The following CLDN10 variants were observed in gnomAD, a reference collection of about 807,000 sequenced individuals.
The protein encoded by CLDN10 is claudin-10.
CLDN10 carries 15 observed loss-of-function variants against 22.9 expected under a neutral mutation model. That is an observed-to-expected ratio of 0.65 (90% CI 0.44 to 1.01). The LOEUF (loss-of-function observed/expected upper bound fraction) is 1.01, where lower values mean the gene tolerates loss of function less well. Among genes scored for constraint, CLDN10 ranks in the 50% least tolerant of loss-of-function variants. The pLI, the probability that CLDN10 is intolerant of heterozygous loss-of-function variation, is 0.00. For missense variants in CLDN10, 247 were observed against 287.8 expected (o/e 0.86, Z 1.03); for synonymous variants, 114 against 111.4 (o/e 1.02, Z -0.15).
chr13:95,544,578 G>A (rs2043489760), intron 1 of CLDN10, among the ~76,000 whole-genome samples: 1 of 152,136 alleles, frequency 6.6e-6, no homozygotes, highest in Admixed American at 6.5e-5. Flanking sequence ...AGAGAGGTGT[G>A]TCTGTTATCA....
At chr13:95,547,424 G>T (rs144582326) in intron 1 of CLDN10, among the ~76,000 whole-genome samples, 1 of 152,078 alleles carries the variant, frequency 6.6e-6, no homozygotes, top group Non-Finnish European at 1.5e-5. Flanking sequence ...TAGCCTAACC[G>T]ATTAATACCA....
At chr13:95,507,306 A>G (rs6492807) in intron 1 of CLDN10, among the ~76,000 whole-genome samples, 78,190 of 152,062 alleles carry the variant, frequency 0.51, 20,618 homozygotes, top group Non-Finnish European at 0.56. Context: ...TCTATAAAGA[A>G]TATGGTATAA....
At chr13:95,490,123 T>G (rs146347318) in intron 1 of CLDN10, among the ~76,000 whole-genome samples, 1 of 152,334 alleles carries the variant, frequency 6.6e-6, no homozygotes, top group African/African-American at 2.4e-5. Context: ...GACTATGGCT[T>G]TATAGTATAG....
chr13:95,524,510 A>G (rs1024944282), intron 1 of CLDN10, among the ~76,000 whole-genome samples: 1 of 152,180 alleles, frequency 6.6e-6, no homozygotes. Flanking sequence ...CGGTTAAATG[A>G]TATTCCATTG....
intron 1 of CLDN10, among the ~76,000 whole-genome samples, chr13:95,510,466 A>G (rs1285087462): frequency 2.0e-5 from 3 of 152,180 alleles, no homozygotes; most frequent in East Asian, 3.9e-4. Context: ...GCTGGCATCA[A>G]TTAGAGACTG....
At chr13:95,566,487 A>T (rs2043789460) in intron 3 of CLDN10, among the ~76,000 whole-genome samples, 1 of 152,026 alleles carries the variant, frequency 6.6e-6, no homozygotes, top group Non-Finnish European at 1.5e-5. Context: ...TTTCTTGTAA[A>T]TTTGTTTGAG....
At chr13:95,451,372 C>A (rs2042430343) in intron 1 of CLDN10, among the ~76,000 whole-genome samples, 2 of 152,220 alleles carry the variant, frequency 1.3e-5, no homozygotes, top group South Asian at 4.1e-4. Context: ...TATTCAAAGC[C>A]TTTTTAATCT....
chr13:95,528,298 T>A (rs2043306491), intron 1 of CLDN10, among the ~76,000 whole-genome samples: 1 of 152,092 alleles, frequency 6.6e-6, no homozygotes, highest in Non-Finnish European at 1.5e-5. Flanking sequence ...GGGTTTCCCC[T>A]TTCACTTGGT....
chr13:95,473,159 A>AG (rs2042652776), intron 1 of CLDN10, among the ~76,000 whole-genome samples: 1 of 95,958 alleles, frequency 1.0e-5, no homozygotes, highest in South Asian at 4.0e-4. Flanking sequence ...AAAAAAAAAA[A>AG]GGAGAGAGAG....
intron 1 of CLDN10, among the ~76,000 whole-genome samples, chr13:95,524,040 A>G (rs552031238): frequency 6.6e-6 from 1 of 150,986 alleles, no homozygotes; most frequent in African/African-American, 2.4e-5. Flanking sequence ...TTTCACTATT[A>G]CCATTGAAAA....
At chr13:95,542,716 A>G (rs1052796216) in intron 1 of CLDN10, among the ~76,000 whole-genome samples, 7 of 152,178 alleles carry the variant, frequency 4.6e-5, no homozygotes. Context: ...CTGAGGCAGG[A>G]GAATCTCTTG....
At chr13:95,449,120 T>C (rs1234940260) in intron 1 of CLDN10, among the ~76,000 whole-genome samples, 1 of 152,168 alleles carries the variant, frequency 6.6e-6, no homozygotes, top group Non-Finnish European at 1.5e-5. Flanking sequence ...TACTCCATAA[T>C]GATCCATTTC....
At chr13:95,502,133 G>C (rs1216753648) in intron 1 of CLDN10, among the ~76,000 whole-genome samples, 1 of 152,044 alleles carries the variant, frequency 6.6e-6, no homozygotes, top group African/African-American at 2.4e-5. Context: ...AAAAGGGATA[G>C]ATTCACTTGG....
intron 1 of CLDN10, among the ~76,000 whole-genome samples, chr13:95,437,423 T>A (rs7336153): frequency 0.54 from 82,538 of 152,032 alleles, 22,773 homozygotes; most frequent in African/African-American, 0.6. Flanking sequence ...CTGTCATATC[T>A]ACGTTAATAG....
intron 1 of CLDN10, among the ~76,000 whole-genome samples, chr13:95,527,532 C>T (rs979726318): frequency 2.6e-5 from 4 of 151,716 alleles, no homozygotes; most frequent in Admixed American, 2.6e-4. Flanking sequence ...GAGTTCAAGA[C>T]CAGCCTGGGA....
chr13:95,498,197 C>A (rs2042947903), intron 1 of CLDN10, among the ~76,000 whole-genome samples: 1 of 152,174 alleles, frequency 6.6e-6, no homozygotes, highest in Admixed American at 6.5e-5. Flanking sequence ...CATCTCCCAG[C>A]ATGACTATCC....
At chr13:95,574,116 A>G (rs137926740) in intron 3 of CLDN10, among the ~76,000 whole-genome samples, 251 of 152,294 alleles carry the variant, frequency 1.6e-3, no homozygotes, top group African/African-American at 5.6e-3. Context: ...AATCCAGTCC[A>G]TCATTGATGG....
chr13:95,467,038 G>GTT lies in CLDN10; in HGVS notation c.214+33002_214+33003dup, dbSNP rs71113934. Reference sequence around the variant, plus strand: ...ACTACAGGCGCCTGCCACCATGCCCGTTTTTTTTTTTTGTATTTTTAGCAG... The same window carrying GTT: ...ACTACAGGCGCCTGCCACCATGCCCGTTTTTTTTTTTTTTGTATTTTTAGCAG... On this transcript the variant is annotated intron_variant, in intron 1 of 4. Transcript: ENST00000376873. 8.5e-3 allele frequency among the ~76,000 whole-genome samples: 1,078 copies of GTT among 127,562 alleles called. 4 individuals are homozygous for GTT. Among genetic ancestry groups the GTT allele is most frequent in the Middle Eastern group, 0.026 (6 of 230 alleles). 83.7% of individuals were successfully genotyped at this position (127,562 alleles called of 152,430 possible). A position where few individuals can be genotyped will look rare whatever the true frequency, so the allele number is the denominator to read the frequency against.
chr13:95,565,524 C>G (rs1221935793), intron 3 of CLDN10, among the ~76,000 whole-genome samples: 2 of 152,106 alleles, frequency 1.3e-5, no homozygotes. Flanking sequence ...ACTTCTCATT[C>G]CTGGCATGTA....
Sources: allele counts gnomAD v4.1 joint callset (sites outside exome capture counted in the v4.1 genomes callset), GRCh38; gene constraint gnomAD v4.1.1; transcripts MANE v1.5; gene names NCBI Gene and HGNC (gene_info 2026-07-23, HGNC 2026-07-21).